LMNTD1: variants seen among roughly 807,000 people sequenced by gnomAD.
LMNTD1 encodes the protein lamin tail domain-containing protein 1.
A neutral mutation model predicts 50.9 loss-of-function variants in LMNTD1; 35 were observed. The ratio of observed to expected loss-of-function variants is 0.69; its 90% CI spans 0.53 to 0.91. The LOEUF (loss-of-function observed/expected upper bound fraction) is 0.91. Among genes scored for constraint, LMNTD1 ranks in the 40% least tolerant of loss-of-function variants. The pLI is 0.00. For missense variants in LMNTD1, 470 were observed against 475.5 expected, an observed-to-expected ratio of 0.99 and a Z score of 0.11; for synonymous variants, 153 against 161.9, an observed-to-expected ratio of 0.94 and a Z score of 0.42.
Position 25,549,484 on chromosome 12 carries a change from A to T in LMNTD1, c.152T>A (p.Val51Asp). The change falls in exon 3 of 10, where the codon GTT becomes GAT. Residue 51 changes from valine to aspartate, a missense_variant. Transcript: ENST00000458174. ...VHFSPKMLGSVATTLPLSSSN... is the reference protein window; with the variant it reads ...VHFSPKMLGSDATTLPLSSSN... ...AGATGACAATGGCAGTGTTGTGGCA[A>T]CTGAACCCAACATCTTTGGGGAAAA... 1 of 1,613,392 alleles carries T rather than the reference A, an allele frequency of 6.2e-7. No individual in the cohort carries two copies. The highest frequency in any genetic ancestry group is 8.5e-7 in the Non-Finnish European group (1 of 1,179,516).
intron 9 of LMNTD1, among the ~76,000 whole-genome samples, chr12:25,501,633 T>C (rs759665695): frequency 6.6e-6 from 1 of 152,188 alleles, no homozygotes; most frequent in East Asian, 1.9e-4. Context: ...ATCTGAAGGT[T>C]CTTTAGCTAT....
At chr12:25,539,364 G>A (rs1274661401) in intron 4 of LMNTD1, among the ~76,000 whole-genome samples, 15 of 152,082 alleles carry the variant, frequency 9.9e-5, no homozygotes, top group Non-Finnish European at 1.8e-4. Flanking sequence ...CAGACATTAT[G>A]ACAAACTATC....
intron 6 of LMNTD1, among the ~76,000 whole-genome samples, chr12:25,521,472 G>C (rs149680342): frequency 6.6e-5 from 10 of 152,134 alleles, no homozygotes; most frequent in African/African-American, 2.4e-4. Flanking sequence ...GCGGCTTAGC[G>C]AACTACATGA....
intron 1 of LMNTD1, among the ~76,000 whole-genome samples, chr12:25,619,469 T>G (rs139165265): frequency 6.6e-6 from 1 of 152,286 alleles, no homozygotes; most frequent in African/African-American, 2.4e-5. Context: ...AAACTTCAAT[T>G]TCTAAGTTTG....
At chr12:25,608,598 G>A (rs892178051) in intron 1 of LMNTD1, among the ~76,000 whole-genome samples, 1 of 152,182 alleles carries the variant, frequency 6.6e-6, no homozygotes, top group Admixed American at 6.5e-5. Context: ...ATGAAGCTTA[G>A]TTTGGCTGGA....
chr12:25,626,595 C>T (rs1233041018), intron 1 of LMNTD1, among the ~76,000 whole-genome samples: 1 of 152,126 alleles, frequency 6.6e-6, no homozygotes, highest in Admixed American at 6.5e-5. Flanking sequence ...TAACAGTACT[C>T]AGTAAAAGCT....
At chr12:25,595,573 C>A (rs1000752387) in intron 1 of LMNTD1, among the ~76,000 whole-genome samples, 1 of 152,030 alleles carries the variant, frequency 6.6e-6, no homozygotes, top group African/African-American at 2.4e-5. Context: ...TGGGATACAG[C>A]AAAGGCAGTG....
At chr12:25,634,730 C>T (rs933062076) in intron 1 of LMNTD1, among the ~76,000 whole-genome samples, 23 of 152,084 alleles carry the variant, frequency 1.5e-4, no homozygotes, top group Non-Finnish European at 2.5e-4. Context: ...GAAAGCATTC[C>T]CTCTGAGTAC....
intron 4 of LMNTD1, among the ~76,000 whole-genome samples, chr12:25,544,943 G>A (rs1221231127): frequency 1.3e-5 from 2 of 151,746 alleles, no homozygotes. Flanking sequence ...TTAGCAGACT[G>A]CTATAGCTAT....
At chr12:25,561,949 G>A (rs1944347790) in intron 1 of LMNTD1, among the ~76,000 whole-genome samples, 1 of 152,076 alleles carries the variant, frequency 6.6e-6, no homozygotes, top group African/African-American at 2.4e-5. Context: ...TCAGAGACTA[G>A]GATTGCAACC....
intron 1 of LMNTD1, among the ~76,000 whole-genome samples, chr12:25,626,324 A>ATG (rs1316360907): frequency 2.1e-4 from 30 of 140,692 alleles, no homozygotes; most frequent in Non-Finnish European, 4.2e-4. Flanking sequence ...ATTTTGTTGT[A>ATG]TGTGTGTATA....
chr12:25,634,819 A>G (rs1946793027), intron 1 of LMNTD1, among the ~76,000 whole-genome samples: 1 of 152,168 alleles, frequency 6.6e-6, no homozygotes, highest in South Asian at 2.1e-4. Context: ...CAATCAGACA[A>G]GAGAAAGAGA....
At chr12:25,584,187 C>T (rs1355423332) in intron 1 of LMNTD1, among the ~76,000 whole-genome samples, 1 of 152,078 alleles carries the variant, frequency 6.6e-6, no homozygotes, top group Non-Finnish European at 1.5e-5. Context: ...ATTGAGCTGC[C>T]AATTTATATA....
chr12:25,643,556 C>T (rs970588246), intron 1 of LMNTD1, among the ~76,000 whole-genome samples: 1 of 152,234 alleles, frequency 6.6e-6, no homozygotes, highest in African/African-American at 2.4e-5. Context: ...ATTTTCCTTT[C>T]AACTCATTAG....
intron 1 of LMNTD1, among the ~76,000 whole-genome samples, chr12:25,618,721 T>C (rs1946399482): frequency 6.6e-6 from 1 of 152,180 alleles, no homozygotes; most frequent in African/African-American, 2.4e-5. Flanking sequence ...TCAATTTGAA[T>C]ACTAATAATT....
chr12:25,505,276 T>C (rs535904109), intron 8 of LMNTD1, among the ~76,000 whole-genome samples: 2 of 152,316 alleles, frequency 1.3e-5, no homozygotes, highest in East Asian at 3.9e-4. Flanking sequence ...TTTTTACTTG[T>C]GTAAAGAAAT....
At chr12:25,537,887 T>A (rs200211805) in intron 4 of LMNTD1, among the ~76,000 whole-genome samples, 1 of 147,528 alleles carries the variant, frequency 6.8e-6, no homozygotes, top group Non-Finnish European at 1.5e-5. Flanking sequence ...AAGGAGCTGA[T>A]GGAGCTGAAA....
chr12:25,521,980 G>A (rs751005009), intron 6 of LMNTD1, among the ~76,000 whole-genome samples: 20 of 152,078 alleles, frequency 1.3e-4, no homozygotes, highest in Non-Finnish European at 1.3e-4. Flanking sequence ...CATGAAAAAC[G>A]TGCCCTAACA....
chr12:25,523,323 C>T (rs749148276), intron 6 of LMNTD1, among the ~76,000 whole-genome samples: 26 of 152,144 alleles, frequency 1.7e-4, no homozygotes, highest in Admixed American at 6.6e-5. Context: ...TAAGCCACTG[C>T]GCTGGCCTAG....
Sources: allele counts gnomAD v4.1 joint callset (sites outside exome capture counted in the v4.1 genomes callset), GRCh38; gene constraint gnomAD v4.1.1; transcripts MANE v1.5; gene names NCBI Gene and HGNC (gene_info 2026-07-23, HGNC 2026-07-21).